Variants in PMPCB observed in about 807,000 individuals in gnomAD.
The protein encoded by PMPCB is mitochondrial-processing peptidase subunit beta.
PMPCB carries 46 observed loss-of-function variants against 61.5 expected under a neutral mutation model. The observed-to-expected ratio is 0.75, with a 90% CI of 0.59 to 0.96. The LOEUF is 0.96. Among genes scored for constraint, PMPCB ranks in the 40% least tolerant of loss-of-function variants. The pLI is 0.00. For synonymous variants in PMPCB, 191 were observed against 201.6 expected (o/e 0.95, Z 0.44); for missense variants, 590 against 602.4 (o/e 0.98, Z 0.22).
At chr7:103,324,683 A>C (rs1171073064) in intron 12 of PMPCB, 1 of 971,330 alleles carries the variant, frequency 1.0e-6, no homozygotes, top group East Asian at 3.7e-5. Context: ...CCTTCCCTAC[A>C]AACTCTACAA....
Position 103,310,407 on chromosome 7 carries a change from A to T in PMPCB, c.1086A>T (p.Leu362Phe). The T allele has an allele frequency of 6.2e-7, 1 of 1,612,170 alleles. No homozygotes were observed. Among genetic ancestry groups the T allele is most frequent in the Non-Finnish European group, 8.5e-7 (1 of 1,178,236 alleles). Residue 362 changes from leucine to phenylalanine, a missense_variant, in exon 9 of 13, where the codon TTA (leucine) becomes TTT (phenylalanine). By Grantham distance (22) the Leu-to-Phe change is conservative (BLOSUM62 0). Transcript: ENST00000249269. The stretch of plus-strand genomic sequence containing the variant: ...ACACTTCCTACACAGATACAGGATT[A>T]TGGGGACTGTATATGGTTTGTGAAT... ...SFNTSYTDTG[L>F]WGLYMVCESS...
rs377051379 is a variant in PMPCB at position 103,300,230 on chromosome 7, G to A, written c.380G>A (p.Gly127Asp). The A allele has an allele frequency of 5.6e-6, 9 of 1,611,266 alleles. No homozygotes were observed. Among genetic ancestry groups the A allele is most frequent in the South Asian group, 1.1e-5 (1 of 90,982 alleles). Residue 127 changes from glycine to aspartate, a missense_variant, in exon 4 of 13, where the codon GGT (glycine) becomes GAT (aspartate). Physicochemically the swap from Gly to Asp is moderately conservative, Grantham distance 94. Transcript: ENST00000249269. Reference sequence around the variant, plus strand: ...CTGGAACTTGAGATTGAAAATATGGGTGCTCATCTCAATGCCTATACCTCC... The same window carrying A: ...CTGGAACTTGAGATTGAAAATATGGATGCTCATCTCAATGCCTATACCTCC... ...LDLELEIENM[G>D]AHLNAYTSRE... is the part of the protein sequence containing the mutation.
chr7:103,346,408 G>C, the PMPCB span, among the ~76,000 whole-genome samples: 3 of 152,236 alleles, frequency 2.0e-5, no homozygotes, highest in Admixed American at 6.5e-5. Context: ...TGGAATTACA[G>C]GGGTGAGCCA....
rs140750449 is a variant in PMPCB, at chr7:103,312,744, T to A, written c.*473T>A. ...GAATTCAAGCAACTAAGATAGATAG[T>A]ACTAAATATACTGATTTCATTATCT... On this transcript the variant is annotated 3_prime_UTR_variant, in exon 13 of 13. Coordinates refer to ENST00000249269, the MANE Select transcript of PMPCB (RefSeq NM_004279.3). 1.3e-3 allele frequency: 1,965 copies of A among 1,538,290 alleles called. 2 individuals carry two copies. The highest frequency in any genetic ancestry group is 1.6e-3 in the Non-Finnish European group (1,803 of 1,151,598).
At chr7:103,304,514 A>C (rs528132461) in intron 6 of PMPCB, 24 bp downstream of exon 6, 1 of 1,479,636 alleles carries the variant, frequency 6.8e-7, no homozygotes, top group African/African-American at 1.4e-5. Flanking sequence ...AATTTCTACA[A>C]ATGTTTTAAA....
At position 103,311,725 on chromosome 7, in the gene PMPCB, G is replaced by C. The variant is rs34011085; in HGVS notation, c.1237G>C (p.Asp413His). 8 of 1,613,272 alleles carry C rather than the reference G, an allele frequency of 5.0e-6. No individual in the cohort carries two copies. Among genetic ancestry groups the C allele is most frequent in the African/African-American group, 4.0e-5 (3 of 75,038 alleles). The change falls in exon 10 of 13, where the codon GAT becomes CAT. Residue 413 changes from aspartate (D) to histidine (H), a missense_variant. Coordinates refer to ENST00000249269, the MANE Select transcript of PMPCB (RefSeq NM_004279.3). ...LLKTNMLLQL[D>H]GSTPICEDIG... Reference sequence around the variant, plus strand: ...GAAAACAAACATGTTGTTGCAGCTTGATGGTAAAAATAAAGATATAGGTTC... The same window carrying C: ...GAAAACAAACATGTTGTTGCAGCTTCATGGTAAAAATAAAGATATAGGTTC...
At chr7:103,298,741 C>T in intron 2 of PMPCB, 33 bp downstream of exon 2, 1 of 1,591,584 alleles carries the variant, frequency 6.3e-7, no homozygotes, top group East Asian at 2.2e-5. Context: ...TCTAAGTGAC[C>T]CTTCATTTAG....
In PMPCB at chr7:103,314,044, C is replaced by G. The variant is rs1817908255; in HGVS notation, c.*1773C>G. ...GAAGGAAAAACAAAACAAAACAAAA[C>G]AAAACCACCACCTATTCAAAACAAA... is the stretch of plus-strand genomic sequence containing the variant. On this transcript the variant is annotated 3_prime_UTR_variant, in exon 13 of 13. Transcript: ENST00000249269. 1.0e-6 allele frequency: 1 copy of G among 985,176 alleles called. No individual in the cohort carries two copies. Among genetic ancestry groups the G allele is most frequent in the Non-Finnish European group, 1.2e-6 (1 of 829,912 alleles). 61.0% of individuals were successfully genotyped at this position (985,176 alleles called of 1,614,324 possible).
At chr7:103,334,879 G>T in the PMPCB span, among the ~76,000 whole-genome samples, 15 of 152,172 alleles carry the variant, frequency 9.9e-5, no homozygotes, top group Non-Finnish European at 2.1e-4. Flanking sequence ...TGTCACCCAG[G>T]CTGGAGTGCA....
chr7:103,316,704 T>G, downstream of PMPCB: 1 of 805,496 alleles, frequency 1.2e-6, no homozygotes, highest in Non-Finnish European at 1.9e-6. Context: ...TTTTCACACT[T>G]TTCTGCTGTG....
At chr7:103,316,147 AC>A, downstream of PMPCB, 1 of 1,107,122 alleles carries the variant, frequency 9.0e-7, no homozygotes, top group South Asian at 1.7e-5. Flanking sequence ...AAATGAAACG[AC>A]AAAAACCATT....
the PMPCB span, among the ~76,000 whole-genome samples, chr7:103,345,497 A>G: frequency 6.6e-6 from 1 of 152,128 alleles, no homozygotes; most frequent in Non-Finnish European, 1.5e-5. Flanking sequence ...AACAGGTTCA[A>G]TAAAATAAAC....
chr7:103,300,931 G>C (rs1817433885), intron 4 of PMPCB, among the ~76,000 whole-genome samples: 1 of 152,154 alleles, frequency 6.6e-6, no homozygotes, highest in African/African-American at 2.4e-5. Context: ...TGACCCACCT[G>C]CCTCGGCCTC....
the PMPCB span, among the ~76,000 whole-genome samples, chr7:103,347,258 TG>T: frequency 6.6e-6 from 1 of 152,244 alleles, no homozygotes; most frequent in Non-Finnish European, 1.5e-5. Context: ...AGGTATGTGG[TG>T]GCATCCAACT....
At chr7:103,329,980 T>C (rs1474221892), downstream of PMPCB, among the ~76,000 whole-genome samples, 1 of 152,188 alleles carries the variant, frequency 6.6e-6, no homozygotes, top group Non-Finnish European at 1.5e-5. Flanking sequence ...GCAGGCTGCT[T>C]CACCCCTGGA....
At chr7:103,326,750 G>T (rs1301802180) in intron 12 of PMPCB, 1 of 1,450,788 alleles carries the variant, frequency 6.9e-7, no homozygotes, top group African/African-American at 1.4e-5. Context: ...AAGAAAACAA[G>T]TATTTCCCTC....
intron 12 of PMPCB, chr7:103,322,419 A>G: frequency 8.0e-7 from 1 of 1,249,104 alleles, no homozygotes; most frequent in Non-Finnish European, 1.1e-6. Flanking sequence ...CTTTCGAATT[A>G]TAGTTTTTTT....
At position 103,304,462 on chromosome 7, in the gene PMPCB, G is replaced by A. The variant is rs1394431087; in HGVS notation, c.708G>A (p.Gly236=). ...ATTATATAACCACACATTATAAGGG[G>A]CCAAGAATAGTGCTTGCTGCTGCTG... ...LVDYITTHYK[G]PRIVLAAAGG... is the part of the protein sequence containing the mutation. Residue 236 remains glycine, a synonymous_variant, in exon 6 of 13, where the codon GGG becomes GGA. Coordinates refer to ENST00000249269, the MANE Select transcript of PMPCB (RefSeq NM_004279.3). 3.7e-6 allele frequency: 6 copies of A among 1,606,656 alleles called. No individual in the cohort carries two copies. The highest frequency in any genetic ancestry group is 4.3e-6 in the Non-Finnish European group (5 of 1,173,256).
the PMPCB span, chr7:103,341,638 C>T: frequency 1.3e-6 from 1 of 757,136 alleles, no homozygotes; most frequent in Non-Finnish European, 2.1e-6. Context: ...TAGTAATAAA[C>T]AGATGCTAAA....
Sources: gnomAD v4.1 joint callset for allele counts (sites outside exome capture counted in the v4.1 genomes callset) on GRCh38, gnomAD v4.1.1 for gene constraint, MANE v1.5 for transcripts, NCBI Gene and HGNC (gene_info 2026-07-23, HGNC 2026-07-21) for gene names.